Variants in IMMP1L observed in about 807,000 individuals in gnomAD.
IMMP1L encodes the protein inner mitochondrial membrane peptidase subunit 1, also known as mitochondrial inner membrane protease subunit 1.
IMMP1L carries 24 observed loss-of-function variants against 21.8 expected under a neutral mutation model. The observed-to-expected ratio is 1.10, with a 90% confidence interval of 0.80 to 1.55. IMMP1L has a LOEUF of 1.55. Ranked by LOEUF, IMMP1L falls within the 40% of genes most tolerant of loss-of-function variation. The probability of loss-of-function intolerance (pLI) is 0.00; values close to 1 mark genes in which losing one functional copy is unlikely to be tolerated. For synonymous variants in IMMP1L, 46 were observed against 62.8 expected, an observed-to-expected ratio of 0.73 and a Z score of 1.26; for missense variants, 195 against 200.7, an observed-to-expected ratio of 0.97 and a Z score of 0.17.
intron 1 of IMMP1L, among the ~76,000 whole-genome samples, chr11:31,474,627 G>T (rs1954669434): frequency 6.6e-6 from 1 of 152,054 alleles, no homozygotes; most frequent in Admixed American, 6.6e-5. Flanking sequence ...TAAGGCTGAG[G>T]TGGGCCATGA....
At chr11:31,503,590 T>C (rs1182106128) in intron 1 of IMMP1L, among the ~76,000 whole-genome samples, 1 of 152,112 alleles carries the variant, frequency 6.6e-6, no homozygotes, top group Non-Finnish European at 1.5e-5. Context: ...AAGAAATCAC[T>C]ACAGTCACAA....
At chr11:31,470,824 A>G (rs1954523228) in intron 1 of IMMP1L, among the ~76,000 whole-genome samples, 1 of 152,242 alleles carries the variant, frequency 6.6e-6, no homozygotes, top group Non-Finnish European at 1.5e-5. Context: ...AAACAAGGCA[A>G]CATGTATGAG....
intron 2 of IMMP1L, 132 bp downstream of exon 2, chr11:31,463,040 T>G (rs1185547636): frequency 4.5e-6 from 3 of 666,922 alleles, no homozygotes; most frequent in Non-Finnish European, 7.3e-6. Context: ...TTTAGAAAGA[T>G]TTTATGTTTT....
intron 1 of IMMP1L, among the ~76,000 whole-genome samples, chr11:31,482,184 C>G (rs1215108351): frequency 6.6e-6 from 1 of 152,038 alleles, no homozygotes; most frequent in Non-Finnish European, 1.5e-5. Flanking sequence ...CAGATACAAA[C>G]TGAGTCCAAA....
At chr11:31,443,522 C>G (rs571392783) in intron 4 of IMMP1L, among the ~76,000 whole-genome samples, 32 of 152,280 alleles carry the variant, frequency 2.1e-4, no homozygotes, top group African/African-American at 7.0e-4. Flanking sequence ...TTCTCCTCGC[C>G]CTAACTACTT....
intron 4 of IMMP1L, among the ~76,000 whole-genome samples, chr11:31,444,746 C>T (rs1052743332): frequency 4.6e-5 from 7 of 152,038 alleles, no homozygotes; most frequent in Non-Finnish European, 8.8e-5. Context: ...TGCACCACCA[C>T]GCCTGGCTAA....
intron 1 of IMMP1L, chr11:31,477,508 T>G (rs1554946902): frequency 7.1e-6 from 7 of 980,242 alleles, no homozygotes; most frequent in African/African-American, 3.5e-5. Context: ...GACCTGATTT[T>G]TTGTTGTTGT....
At position 31,460,689 on chromosome 11, in the gene IMMP1L, G is replaced by A. The variant is rs1336370451; in HGVS notation, c.131C>T (p.Thr44Ile). 1 of 1,609,938 alleles carries A rather than the reference G, an allele frequency of 6.2e-7. No individual in the cohort carries two copies. The highest frequency in any genetic ancestry group is 1.1e-5 in the South Asian group (1 of 90,900). The stretch of plus-strand genomic sequence containing the variant: ...AAAGACAATATCTGAATTTTGAATT[G>A]TAGGCTCCATTGATGGTCCAGAACA... ...VMCSGPSMEP[T>I]IQNSDIVFAE... Residue 44 changes from threonine to isoleucine, a missense_variant, in exon 3 of 6, where the codon ACA (threonine) becomes ATA (isoleucine). Physicochemically the swap from Thr to Ile is moderately conservative, Grantham distance 89 (BLOSUM62 -1). Coordinates refer to ENST00000532287, the MANE Select transcript of IMMP1L (RefSeq NM_001304274.2).
intron 1 of IMMP1L, among the ~76,000 whole-genome samples, chr11:31,483,289 T>C (rs753513970): frequency 3.9e-5 from 6 of 152,048 alleles, no homozygotes; most frequent in Non-Finnish European, 7.4e-5. Context: ...ACTCACAAAG[T>C]GTGCACTTTC....
At chr11:31,481,839 T>C (rs1223093) in intron 1 of IMMP1L, among the ~76,000 whole-genome samples, 2,348 of 152,068 alleles carry the variant, frequency 0.015, 53 homozygotes, top group African/African-American at 0.054. Flanking sequence ...AAAAAAAAGG[T>C]ATATTTAAAA....
intron 4 of IMMP1L, among the ~76,000 whole-genome samples, chr11:31,440,850 A>AAAAG (rs1405538674): frequency 6.6e-6 from 1 of 152,162 alleles, no homozygotes; most frequent in African/African-American, 2.4e-5. Context: ...AAAACTCTGG[A>AAAAG]AAAGATTTGC....
intron 1 of IMMP1L, among the ~76,000 whole-genome samples, chr11:31,484,288 C>G (rs1022491343): frequency 7.2e-5 from 11 of 151,868 alleles, no homozygotes; most frequent in Non-Finnish European, 1.5e-4. Context: ...GTATAAACTT[C>G]CAGATTTTGT....
intron 1 of IMMP1L, among the ~76,000 whole-genome samples, chr11:31,497,328 T>A (rs1383594841): frequency 6.6e-6 from 1 of 152,040 alleles, no homozygotes; most frequent in African/African-American, 2.4e-5. Context: ...TTAACAAGAA[T>A]ATAGTATGAT....
intron 3 of IMMP1L, 121 bp downstream of exon 3, chr11:31,460,504 TG>T: frequency 3.3e-6 from 2 of 605,930 alleles, no homozygotes; most frequent in Non-Finnish European, 5.9e-6. Context: ...TTTATCTAGC[TG>T]GTTATTAATA....
intron 1 of IMMP1L, among the ~76,000 whole-genome samples, chr11:31,464,449 G>A (rs1296231263): frequency 6.6e-6 from 1 of 152,044 alleles, no homozygotes; most frequent in Non-Finnish European, 1.5e-5. Context: ...ATTCTACCAG[G>A]TCAGCATTGC....
chr11:31,461,123 C>A (rs1224995992), intron 2 of IMMP1L, among the ~76,000 whole-genome samples: 1 of 152,132 alleles, frequency 6.6e-6, no homozygotes, highest in Non-Finnish European at 1.5e-5. Flanking sequence ...AATACATTTT[C>A]TTATTACTAT....
chr11:31,494,695 G>A (rs191583037), intron 1 of IMMP1L, among the ~76,000 whole-genome samples: 2 of 151,950 alleles, frequency 1.3e-5, no homozygotes, highest in East Asian at 1.9e-4. Context: ...AGGCTGGAGA[G>A]CAGTGGTGTG....
At chr11:31,432,856 T>C (rs1952959988) in intron 5 of IMMP1L, among the ~76,000 whole-genome samples, 1 of 152,250 alleles carries the variant, frequency 6.6e-6, no homozygotes, top group Non-Finnish European at 1.5e-5. Context: ...TTTCTTTTAC[T>C]ACTTGCAAGT....
intron 4 of IMMP1L, among the ~76,000 whole-genome samples, chr11:31,455,963 T>G (rs765478629): frequency 9.9e-5 from 15 of 152,282 alleles, no homozygotes; most frequent in Middle Eastern, 3.4e-3. Context: ...TTGGGAGAGA[T>G]AAGTTCAGAT....
Sources: allele counts gnomAD v4.1 joint callset (sites outside exome capture counted in the v4.1 genomes callset), GRCh38; gene constraint gnomAD v4.1.1; transcripts MANE v1.5; gene names NCBI Gene and HGNC (gene_info 2026-07-23, HGNC 2026-07-21).